The following TRDN variants were observed in gnomAD, a reference collection of about 807,000 sequenced individuals.
TRDN encodes the protein triadin, also known as triadin in skeletal muscle.
In TRDN, 161 loss-of-function variants were observed where a neutral mutation model predicts 149.7. The observed-to-expected ratio is 1.08, with a 90% CI of 0.95 to 1.23. The LOEUF is 1.23. Ranked by LOEUF, TRDN falls within the 50% of genes most tolerant of loss-of-function variation. The pLI is 0.00. For missense variants in TRDN, 896 were observed against 823.5 expected, an observed-to-expected ratio of 1.09 and a Z score of -1.08; for synonymous variants, 294 against 250.5, an observed-to-expected ratio of 1.17 and a Z score of -1.64.
chr6:123,521,232 T>C (rs968455390), intron 5 of TRDN, among the ~76,000 whole-genome samples: 2 of 152,092 alleles, frequency 1.3e-5, no homozygotes, highest in Non-Finnish European at 2.9e-5. Flanking sequence ...CCCAAAAATA[T>C]ATGTTGAAGT....
intron 7 of TRDN, among the ~76,000 whole-genome samples, chr6:123,511,997 T>TTA (rs1554251527): frequency 2.6e-5 from 4 of 151,458 alleles, no homozygotes; most frequent in Non-Finnish European, 5.9e-5. Context: ...CAATTTTTTT[T>TTA]TTTTTTTTGC....
intron 1 of TRDN, among the ~76,000 whole-genome samples, chr6:123,602,182 C>A (rs182464250): frequency 6.6e-6 from 1 of 152,078 alleles, no homozygotes; most frequent in East Asian, 1.9e-4. Context: ...TATAACCAAC[C>A]TAAATGCCCA....
At chr6:123,447,635 TC>T (rs1173285135) in intron 10 of TRDN, among the ~76,000 whole-genome samples, 1 of 152,138 alleles carries the variant, frequency 6.6e-6, no homozygotes, top group Non-Finnish European at 1.5e-5. Context: ...GCTATATCAT[TC>T]ATGAAATAAA....
At chr6:123,588,082 C>A (rs892946797) in intron 1 of TRDN, among the ~76,000 whole-genome samples, 1 of 152,038 alleles carries the variant, frequency 6.6e-6, no homozygotes, top group Non-Finnish European at 1.5e-5. Flanking sequence ...TGGCAAATGT[C>A]TCTTATCAGA....
At chr6:123,387,743 A>G (rs1458341882) in intron 14 of TRDN, among the ~76,000 whole-genome samples, 1 of 152,158 alleles carries the variant, frequency 6.6e-6, no homozygotes, top group East Asian at 1.9e-4. Context: ...GCAATGTGAG[A>G]TCACAAATAA....
At chr6:123,629,207 T>C (rs1395400840) in intron 1 of TRDN, among the ~76,000 whole-genome samples, 6 of 152,130 alleles carry the variant, frequency 3.9e-5, no homozygotes, top group African/African-American at 1.4e-4. Flanking sequence ...CACATGATAA[T>C]TTTATTTTCA....
chr6:123,636,875 A>T lies in TRDN; in HGVS notation c.-100T>A. The T allele has an allele frequency of 7.1e-7, 1 of 1,398,664 alleles. No individual in the cohort carries two copies. Among genetic ancestry groups the T allele is most frequent in the Non-Finnish European group, 1.0e-6 (1 of 989,614 alleles). 86.6% of individuals were successfully genotyped at this position (1,398,664 alleles called of 1,614,324 possible). A position where few individuals can be genotyped will look rare whatever the true frequency, so the allele number is the denominator to read the frequency against. On this transcript the variant is annotated 5_prime_UTR_variant, in exon 1 of 41. Transcript: ENST00000334268. ...GAACTCTGGTGGAGGGTTCTGTGTC[A>T]AAACCTGGGGGCTCTTCGTTTTCCT...
rs189780576 is a variant in TRDN, at chr6:123,497,636, T to A, written c.794-384A>T. 4.6e-5 allele frequency among the ~76,000 whole-genome samples: 7 copies of A among 152,278 alleles called. No homozygotes were observed. The East Asian group carries it at 1.4e-3, about 29-fold the overall frequency. On this transcript the variant is annotated intron_variant, in intron 8 of 40. Transcript: ENST00000334268. ...GAAACAGAAGTTTCACAAGAGGAAA[T>A]TGTTTCCAACTTGGAGTGTTTTATC...
At chr6:123,477,917 G>A (rs1777569585) in intron 9 of TRDN, among the ~76,000 whole-genome samples, 1 of 150,726 alleles carries the variant, frequency 6.6e-6, no homozygotes, top group Non-Finnish European at 1.5e-5. Context: ...TGTGGGGTCG[G>A]GGGAGGGGGA....
At chr6:123,304,632 G>A (rs1778545062) in intron 24 of TRDN, among the ~76,000 whole-genome samples, 1 of 151,864 alleles carries the variant, frequency 6.6e-6, no homozygotes, top group South Asian at 2.1e-4. Context: ...TTTTTCTCTT[G>A]TGTTAACTTA....
intron 22 of TRDN, among the ~76,000 whole-genome samples, chr6:123,333,656 GA>G (rs1180522663): frequency 6.6e-6 from 1 of 151,946 alleles, no homozygotes; most frequent in African/African-American, 2.4e-5. Flanking sequence ...ACTACCCAAG[GA>G]AGTGAGGAGG....
intron 4 of TRDN, among the ~76,000 whole-genome samples, chr6:123,532,239 T>A (rs1161264873): frequency 1.3e-5 from 2 of 151,806 alleles, no homozygotes; most frequent in Non-Finnish European, 2.9e-5. Flanking sequence ...AATTTTTATA[T>A]GAATTACATT....
At chr6:123,620,899 T>A (rs1785348439) in intron 1 of TRDN, among the ~76,000 whole-genome samples, 1 of 152,078 alleles carries the variant, frequency 6.6e-6, no homozygotes, top group Non-Finnish European at 1.5e-5. Flanking sequence ...GTACCAAGGA[T>A]CCTAGAAGGA....
intron 14 of TRDN, among the ~76,000 whole-genome samples, chr6:123,387,966 T>A (rs1290680445): frequency 1.3e-5 from 2 of 152,112 alleles, no homozygotes; most frequent in Admixed American, 6.6e-5. Flanking sequence ...CTGGATCTCT[T>A]GAATCTACAA....
chr6:123,617,823 C>T (rs996049763), intron 1 of TRDN, among the ~76,000 whole-genome samples: 2 of 152,144 alleles, frequency 1.3e-5, no homozygotes, highest in Admixed American at 1.3e-4. Context: ...ACTGCAACCT[C>T]TGTCTCCCGG....
chr6:123,273,837 GT>G lies in TRDN; in HGVS notation c.1598-475del, dbSNP rs1026183302. Among the ~76,000 whole-genome samples the G allele has an allele frequency of 2.0e-5, 3 of 151,888 alleles. No individual in the cohort carries two copies. In the South Asian group the frequency reaches 6.2e-4, roughly 32 times the overall value. On this transcript the variant is annotated intron_variant, in intron 27 of 40. Coordinates refer to ENST00000334268, the MANE Select transcript of TRDN (RefSeq NM_006073.4). The stretch of plus-strand genomic sequence containing the variant: ...GAAATAGCTACCATAGAGCCTGAGG[GT>G]TTTTTTGAACTTGCCTCAGGTCAAT...
chr6:123,331,552 G>A (rs1244945673), intron 23 of TRDN, among the ~76,000 whole-genome samples: 1 of 151,840 alleles, frequency 6.6e-6, no homozygotes, highest in African/African-American at 2.4e-5. Context: ...TAAATCTTTG[G>A]TTTCCATGGC....
At chr6:123,454,274 C>T (rs559111370) in intron 10 of TRDN, among the ~76,000 whole-genome samples, 23 of 151,970 alleles carry the variant, frequency 1.5e-4, no homozygotes, top group South Asian at 2.1e-4. Flanking sequence ...CAATAACTGA[C>T]GGAAAAATGT....
At chr6:123,388,806 G>A (rs1582954769) in intron 13 of TRDN, among the ~76,000 whole-genome samples, 1 of 152,234 alleles carries the variant, frequency 6.6e-6, no homozygotes, top group African/African-American at 2.4e-5. Flanking sequence ...AAATTTATAT[G>A]TATATGCTTA....
Sources: gnomAD v4.1 joint callset for allele counts (sites outside exome capture counted in the v4.1 genomes callset) on GRCh38, gnomAD v4.1.1 for gene constraint, MANE v1.5 for transcripts, NCBI Gene and HGNC (gene_info 2026-07-23, HGNC 2026-07-21) for gene names.